Variants in XRCC4 observed in about 807,000 individuals in gnomAD.
XRCC4 encodes DNA repair protein XRCC4.
In XRCC4, 28 loss-of-function variants were observed where a neutral mutation model predicts 39.1. The ratio of observed to expected loss-of-function variants is 0.72; its 90% CI spans 0.53 to 0.98. The LOEUF (loss-of-function observed/expected upper bound fraction) is 0.98, where lower values mean the gene tolerates loss of function less well. Among genes scored for constraint, XRCC4 ranks in the 50% least tolerant of loss-of-function variants. The pLI, the probability that XRCC4 is intolerant of heterozygous loss-of-function variation, is 0.00. For synonymous variants in XRCC4, 123 were observed against 126.4 expected (o/e 0.97, Z 0.18); for missense variants, 350 against 376.4 (o/e 0.93, Z 0.58).
intron 3 of XRCC4, among the ~76,000 whole-genome samples, chr5:83,139,675 A>G (rs1333567502): frequency 1.3e-5 from 2 of 152,192 alleles, no homozygotes; most frequent in African/African-American, 4.8e-5. Flanking sequence ...CACCTAGGAT[A>G]TATAGTATGT....
intron 3 of XRCC4, among the ~76,000 whole-genome samples, chr5:83,152,446 A>C (rs1748749046): frequency 6.6e-6 from 1 of 152,122 alleles, no homozygotes; most frequent in South Asian, 2.1e-4. Flanking sequence ...CAGCCTGACC[A>C]ACATGGTGAA....
intron 7 of XRCC4, among the ~76,000 whole-genome samples, chr5:83,350,743 T>A (rs1757056248): frequency 6.6e-6 from 1 of 152,194 alleles, no homozygotes; most frequent in African/African-American, 2.4e-5. Flanking sequence ...ATAGTTTCTT[T>A]TGCTGTGTAG....
chr5:83,106,608 T>G (rs1419384082), intron 2 of XRCC4, among the ~76,000 whole-genome samples: 1 of 152,024 alleles, frequency 6.6e-6, no homozygotes, highest in Non-Finnish European at 1.5e-5. Flanking sequence ...TTAACTCTTA[T>G]CTCTTAATTT....
intron 3 of XRCC4, among the ~76,000 whole-genome samples, chr5:83,157,382 T>C (rs1411978997): frequency 2.0e-5 from 3 of 152,104 alleles, no homozygotes; most frequent in African/African-American, 7.2e-5. Context: ...TGTTACTCTG[T>C]AAATAGAGTT....
chr5:83,209,009 T>G (rs1289780031), intron 6 of XRCC4, among the ~76,000 whole-genome samples: 1 of 151,944 alleles, frequency 6.6e-6, no homozygotes, highest in Non-Finnish European at 1.5e-5. Flanking sequence ...CTTTCACCCC[T>G]ATCTAGTTGG....
chr5:83,139,184 G>A lies in XRCC4; in HGVS notation c.315+27981G>A, dbSNP rs116416822. ...AGTTTTTTACAGTTTGTGGAAGTTC[G>A]TTAGTGTTTGTTTTTCATGACATTG... On this transcript the variant is annotated intron_variant, in intron 3 of 7. Coordinates refer to ENST00000396027, the MANE Select transcript of XRCC4 (RefSeq NM_003401.5). Among the ~76,000 whole-genome samples, 908 of 152,144 alleles carry A rather than the reference G, an allele frequency of 6.0e-3. 9 individuals are homozygous for A. The highest frequency in any genetic ancestry group is 0.021 in the African/African-American group (852 of 41,542).
At chr5:83,081,384 T>C (rs75182549) in intron 1 of XRCC4, among the ~76,000 whole-genome samples, 2,653 of 152,276 alleles carry the variant, frequency 0.017, 67 homozygotes, top group African/African-American at 0.06. Flanking sequence ...TTTTTCATGT[T>C]CCAGTGTTTG....
chr5:83,285,420 A>G (rs1754698977), intron 7 of XRCC4, among the ~76,000 whole-genome samples: 1 of 152,140 alleles, frequency 6.6e-6, no homozygotes, highest in African/African-American at 2.4e-5. Flanking sequence ...ATACAGGTAG[A>G]CTATGAGAGT....
downstream of XRCC4, among the ~76,000 whole-genome samples, chr5:83,356,095 C>T (rs60047750): frequency 5.6e-5 from 5 of 89,792 alleles, no homozygotes; most frequent in African/African-American, 1.6e-4. Flanking sequence ...AGGAAAAAAA[C>T]TTTTAAATAT....
At chr5:83,277,007 G>C (rs1300221923) in intron 7 of XRCC4, among the ~76,000 whole-genome samples, 1 of 152,080 alleles carries the variant, frequency 6.6e-6, no homozygotes, top group African/African-American at 2.4e-5. Flanking sequence ...TAGTATTGGG[G>C]GGAAGTTCTA....
At chr5:83,189,287 T>C (rs1326676008) in intron 3 of XRCC4, among the ~76,000 whole-genome samples, 1 of 150,792 alleles carries the variant, frequency 6.6e-6, no homozygotes, top group African/African-American at 2.4e-5. Context: ...AGTTTTTTTC[T>C]TTTTTTTTGC....
At chr5:83,370,886 C>G in the XRCC4 span, among the ~76,000 whole-genome samples, 1 of 152,188 alleles carries the variant, frequency 6.6e-6, no homozygotes, top group African/African-American at 2.4e-5. Flanking sequence ...CATGCCAACT[C>G]TTTCTCCTGC....
chr5:83,222,605 ATGT>A (rs1419634553), intron 6 of XRCC4, among the ~76,000 whole-genome samples: 1 of 152,080 alleles, frequency 6.6e-6, no homozygotes, highest in Non-Finnish European at 1.5e-5. Context: ...ATTCAGGAAC[ATGT>A]TGTTTAATTT....
downstream of XRCC4, chr5:83,353,909 A>T (rs1399257062): frequency 6.6e-6 from 1 of 152,184 alleles, no homozygotes; most frequent in African/African-American, 2.4e-5. Flanking sequence ...TAAAAGATTT[A>T]TCTTACACAT....
chr5:83,350,328 G>T (rs1048081690), intron 7 of XRCC4, among the ~76,000 whole-genome samples: 2 of 152,240 alleles, frequency 1.3e-5, no homozygotes, highest in Admixed American at 6.5e-5. Flanking sequence ...TAAGTCCTTT[G>T]ACAAATCTCC....
chr5:83,174,611 G>T (rs1054319007), intron 3 of XRCC4, among the ~76,000 whole-genome samples: 1 of 152,168 alleles, frequency 6.6e-6, no homozygotes, highest in Non-Finnish European at 1.5e-5. Flanking sequence ...ACAATTCGCT[G>T]AAGTGGAACT....
chr5:83,339,178 TAATA>T (rs1272309063), intron 7 of XRCC4, among the ~76,000 whole-genome samples: 1 of 152,202 alleles, frequency 6.6e-6, no homozygotes, highest in Non-Finnish European at 1.5e-5. Context: ...TTTAAAAGTT[TAATA>T]TTTTTAATTC....
intron 6 of XRCC4, among the ~76,000 whole-genome samples, chr5:83,212,068 CTA>C (rs144254571): frequency 6.6e-6 from 1 of 151,216 alleles, no homozygotes. Context: ...ATATCTGTAT[CTA>C]TATATATATA....
intron 4 of XRCC4, among the ~76,000 whole-genome samples, chr5:83,203,140 G>T (rs970188702): frequency 2.0e-5 from 3 of 151,994 alleles, no homozygotes; most frequent in Admixed American, 6.6e-5. Context: ...AGACAAATTA[G>T]CTATGTTGCC....
Sources: gnomAD v4.1 joint callset for allele counts (sites outside exome capture counted in the v4.1 genomes callset) on GRCh38, gnomAD v4.1.1 for gene constraint, MANE v1.5 for transcripts, NCBI Gene and HGNC (gene_info 2026-07-23, HGNC 2026-07-21) for gene names.